The following LAMA2 variants were observed in gnomAD, a reference collection of about 807,000 sequenced individuals.
LAMA2 encodes the protein laminin subunit alpha-2.
A neutral mutation model predicts 364.8 loss-of-function variants in LAMA2; 269 were observed. That is an observed-to-expected ratio of 0.74 (90% CI 0.67 to 0.82). LAMA2 has a LOEUF of 0.82. LAMA2 is among the 40% of genes least tolerant of loss of function. The pLI is 0.00. For synonymous variants in LAMA2, 1,379 were observed against 1,370.6 expected (o/e 1.01, Z -0.14); for missense variants, 3,807 against 3,873.2 (o/e 0.98, Z 0.45).
At chr6:129,177,634 G>A (rs1333255655) in intron 9 of LAMA2, 72 bp from the exon 10 acceptor site, 14 of 1,462,132 alleles carry the variant, frequency 9.6e-6, no homozygotes, top group African/African-American at 2.8e-5. Flanking sequence ...AAAGGTTACT[G>A]TCATTAAAAC....
intron 9 of LAMA2, 82 bp downstream of exon 9, chr6:129,165,757 G>A: frequency 1.2e-6 from 1 of 862,988 alleles, no homozygotes; most frequent in East Asian, 2.6e-5. Context: ...AGAATATTTT[G>A]CAGTAAATGT....
At chr6:129,063,896 C>G (rs2114803393) in intron 3 of LAMA2, among the ~76,000 whole-genome samples, 1 of 152,214 alleles carries the variant, frequency 6.6e-6, no homozygotes, top group Admixed American at 6.5e-5. Flanking sequence ...TGATTTTTCT[C>G]TAAAGCCTAG....
chr6:129,110,596 A>G (rs1641613210), intron 4 of LAMA2, among the ~76,000 whole-genome samples: 1 of 152,094 alleles, frequency 6.6e-6, no homozygotes, highest in South Asian at 2.1e-4. Flanking sequence ...GCATTCTTCC[A>G]TCTGATCCTC....
chr6:129,178,329 A>T (rs1486511444), intron 10 of LAMA2, among the ~76,000 whole-genome samples: 1 of 152,180 alleles, frequency 6.6e-6, no homozygotes, highest in Non-Finnish European at 1.5e-5. Flanking sequence ...GTTCAATTAT[A>T]AAAAAGTACA....
rs1266293937 is a variant in LAMA2 at position 129,443,083 on chromosome 6, ACTTATATAC to A, written c.6274+19_6274+27del. ...TGCAGAAATCAGTACGTATATGTTTACTTATATACCTTTTAGTAACGCTCATGCTTCATT... is the reference window on the plus strand; with the variant it reads ...TGCAGAAATCAGTACGTATATGTTTACTTTTAGTAACGCTCATGCTTCATT... On this transcript the variant is annotated intron_variant, in intron 44 of 64. Transcript: ENST00000421865. 5.7e-6 allele frequency: 9 copies of A among 1,583,954 alleles called. No homozygotes were observed. Among genetic ancestry groups the A allele is most frequent in the Admixed American group, 1.7e-5 (1 of 58,266 alleles).
At position 129,516,363 on chromosome 6, in the gene LAMA2, C is replaced by T. The variant is rs541534425; in HGVS notation, c.*16C>T. On this transcript the variant is annotated 3_prime_UTR_variant, in exon 65 of 65. Coordinates refer to ENST00000421865, the MANE Select transcript of LAMA2 (RefSeq NM_000426.4). The stretch of plus-strand genomic sequence containing the variant: ...AGCCAACTAATAAAAATAAGTGTAA[C>T]CCCAGGAAGAGTCTGTCAAAACAAG... 16 of 1,612,360 alleles carry T rather than the reference C, an allele frequency of 9.9e-6. No homozygotes were observed. The South Asian group carries it at 1.8e-4, about 18-fold the overall frequency.
At chr6:129,229,490 A>G (rs374996325) in intron 12 of LAMA2, among the ~76,000 whole-genome samples, 1 of 152,172 alleles carries the variant, frequency 6.6e-6, no homozygotes, top group Non-Finnish European at 1.5e-5. Context: ...ACTGTAGTTA[A>G]TGTCTTCACA....
chr6:128,946,964 T>TC (rs1780521386), intron 1 of LAMA2, among the ~76,000 whole-genome samples: 2 of 152,228 alleles, frequency 1.3e-5, no homozygotes, highest in African/African-American at 4.8e-5. Flanking sequence ...TTTATATTTT[T>TC]CCCCTAATTC....
intron 12 of LAMA2, among the ~76,000 whole-genome samples, chr6:129,200,441 CAT>C (rs1451357432): frequency 6.7e-6 from 1 of 148,352 alleles, no homozygotes; most frequent in South Asian, 2.1e-4. Flanking sequence ...TACACATATA[CAT>C]ATATGTATAT....
At chr6:128,972,298 C>T (rs4599676) in intron 1 of LAMA2, among the ~76,000 whole-genome samples, 20,012 of 152,124 alleles carry the variant, frequency 0.13, 1,714 homozygotes, top group African/African-American at 0.24. Context: ...GATTTCAAGT[C>T]AAACAGACCT....
At chr6:129,285,874 G>C (rs1268353120) in intron 18 of LAMA2, among the ~76,000 whole-genome samples, 1 of 151,994 alleles carries the variant, frequency 6.6e-6, no homozygotes, top group Non-Finnish European at 1.5e-5. Context: ...CTTCTAAGCA[G>C]TATTTATACA....
At chr6:129,221,163 A>AAC (rs386408578) in intron 12 of LAMA2, among the ~76,000 whole-genome samples, 3 of 30,814 alleles carry the variant, frequency 9.7e-5, no homozygotes, top group Admixed American at 1.5e-3. Context: ...ACTCCATCTC[A>AAC]AAAAAAAAAT....
intron 3 of LAMA2, among the ~76,000 whole-genome samples, chr6:129,061,655 A>G (rs1398416904): frequency 1.3e-5 from 2 of 152,184 alleles, no homozygotes; most frequent in Non-Finnish European, 2.9e-5. Context: ...AATTATGTGG[A>G]TTTGTCGTTC....
intron 1 of LAMA2, among the ~76,000 whole-genome samples, chr6:128,909,067 A>G (rs1777700967): frequency 6.7e-6 from 1 of 148,784 alleles, no homozygotes; most frequent in South Asian, 2.2e-4. Flanking sequence ...TATGTGGTCA[A>G]TTTTGGAATA....
At chr6:128,983,318 G>A (rs1381356436) in intron 1 of LAMA2, among the ~76,000 whole-genome samples, 1 of 152,034 alleles carries the variant, frequency 6.6e-6, no homozygotes, top group Non-Finnish European at 1.5e-5. Context: ...ACTGGTGTGA[G>A]ATGGTATCTC....
At position 129,278,881 on chromosome 6, in the gene LAMA2, T is replaced by A. The variant is rs978405187; in HGVS notation, c.2451-1180T>A. Among the ~76,000 whole-genome samples the A allele has an allele frequency of 3.9e-5, 6 of 152,192 alleles. No individual in the cohort carries two copies. The South Asian group carries it at 6.2e-4, about 16-fold the overall frequency. On this transcript the variant is annotated intron_variant, in intron 17 of 64. Transcript: ENST00000421865. ...AAAATAGGAAGAACTATTAAATCTTTACAGAACTACCCTGAGTTAAGCCAG... is the reference window on the plus strand; with the variant it reads ...AAAATAGGAAGAACTATTAAATCTTAACAGAACTACCCTGAGTTAAGCCAG...
intron 12 of LAMA2, among the ~76,000 whole-genome samples, chr6:129,248,229 C>T (rs898383322): frequency 9.2e-5 from 14 of 152,144 alleles, no homozygotes; most frequent in African/African-American, 3.1e-4. Flanking sequence ...CCCAAAACCC[C>T]TCCTCTGTGT....
At chr6:129,263,317 A>G (rs994429892) in intron 15 of LAMA2, among the ~76,000 whole-genome samples, 13 of 152,314 alleles carry the variant, frequency 8.5e-5, no homozygotes, top group Admixed American at 8.5e-4. Context: ...ATAGAAATAA[A>G]CGTGACAAAT....
At chr6:129,333,144 G>A (rs915699659) in intron 29 of LAMA2, among the ~76,000 whole-genome samples, 14 of 151,766 alleles carry the variant, frequency 9.2e-5, no homozygotes, top group African/African-American at 1.9e-4. Flanking sequence ...TGCCTGCCTC[G>A]GCCTCCCAAA....
Sources: gnomAD v4.1 joint callset for allele counts (sites outside exome capture counted in the v4.1 genomes callset) on GRCh38, gnomAD v4.1.1 for gene constraint, MANE v1.5 for transcripts, NCBI Gene and HGNC (gene_info 2026-07-23, HGNC 2026-07-21) for gene names.